The following KCNQ1 variants were observed in gnomAD, a reference collection of about 807,000 sequenced individuals.
KCNQ1 encodes potassium voltage-gated channel subfamily Q member 1, also known as potassium voltage-gated channel subfamily KQT member 1.
In KCNQ1, 49 loss-of-function variants were observed where a neutral mutation model predicts 72.4. That is an observed-to-expected ratio of 0.68 (90% CI 0.54 to 0.86). KCNQ1 has a LOEUF of 0.86. Among genes scored for constraint, KCNQ1 ranks in the 40% least tolerant of loss-of-function variants. The pLI is 0.00. For synonymous variants in KCNQ1, 450 were observed against 412.6 expected, an observed-to-expected ratio of 1.09 and a Z score of -1.10; for missense variants, 790 against 945.1, an observed-to-expected ratio of 0.84 and a Z score of 2.15.
At chr11:2,727,572 G>A (rs951258792) in intron 11 of KCNQ1, among the ~76,000 whole-genome samples, 5 of 152,288 alleles carry the variant, frequency 3.3e-5, no homozygotes, top group East Asian at 3.9e-4. Flanking sequence ...GCAGCTCCAC[G>A]GCAGGGAGCA....
chr11:2,647,251 C>A lies in KCNQ1; in HGVS notation c.1394-14710C>A, dbSNP rs1408506754. 2 of 397,964 alleles carry A rather than the reference C, an allele frequency of 5.0e-6. No individual in the cohort carries two copies. The highest frequency in any genetic ancestry group is 4.1e-5 in the African/African-American group (2 of 48,514). 24.7% of individuals were successfully genotyped at this position (397,964 alleles called of 1,614,324 possible). A position where few individuals can be genotyped will look rare whatever the true frequency, so the allele number is the denominator to read the frequency against. ...GATGATCATGTATTTTTTTGTCCTTCCTTCTGTTAATGTGATGTATCACAT... is the reference window on the plus strand; with the variant it reads ...GATGATCATGTATTTTTTTGTCCTTACTTCTGTTAATGTGATGTATCACAT... On this transcript the variant is annotated intron_variant, in intron 10 of 15. Coordinates refer to ENST00000155840, the MANE Select transcript of KCNQ1 (RefSeq NM_000218.3). This position sits in a 1 kb window ranked among gnomAD's most constrained non-coding sequence, Gnocchi z 4.0.
rs566509163 is a variant in KCNQ1 at position 2,464,070 on chromosome 11, C to T, written c.386+18586C>T. On this transcript the variant is annotated intron_variant, in intron 1 of 15. Transcript: ENST00000155840. This position sits in a 1 kb window ranked among gnomAD's most constrained non-coding sequence, Gnocchi z 5.0. ...GCTGCCCGGTGGATCCAGGCAGGGC[C>T]GGGATGTTTGCAGGACCCACGGGAC... Among the ~76,000 whole-genome samples the T allele has an allele frequency of 1.5e-3, 231 of 152,274 alleles. 1 individual carries two copies. The highest frequency in any genetic ancestry group is 5.1e-3 in the African/African-American group (213 of 41,548).
At chr11:2,578,326 C>A (rs1253270762) in intron 6 of KCNQ1, among the ~76,000 whole-genome samples, 2 of 152,254 alleles carry the variant, frequency 1.3e-5, no homozygotes, top group African/African-American at 2.4e-5. Context: ...GCCTTGCCAG[C>A]AGGGCAGCCA....
rs1445716796 is a variant in KCNQ1 at position 2,486,069 on chromosome 11, T to A, written c.386+40585T>A. ...TTTGGGTATATACCCAGAAGTGGAA[T>A]TTCTGGATTATATGGTAATTATAGT... On this transcript the variant is annotated intron_variant, in intron 1 of 15. Transcript: ENST00000155840. This position sits in a 1 kb window ranked among gnomAD's most constrained non-coding sequence, Gnocchi z 5.0. 1.3e-5 allele frequency among the ~76,000 whole-genome samples: 2 copies of A among 152,176 alleles called. No individual in the cohort carries two copies. The highest frequency in any genetic ancestry group is 4.8e-5 in the African/African-American group (2 of 41,428).
rs1488648967 is a variant in KCNQ1, at chr11:2,526,659, G to C, written c.387-1269G>C. ...CTGGGAGGTAGCCTGTTTGTTGTGG[G>C]CTCTGGGGGCCTGGGGAGGGTGGGC... is the stretch of plus-strand genomic sequence containing the variant. On this transcript the variant is annotated intron_variant, in intron 1 of 15. Coordinates refer to ENST00000155840, the MANE Select transcript of KCNQ1 (RefSeq NM_000218.3). This position sits in a 1 kb window ranked among gnomAD's most constrained non-coding sequence, Gnocchi z 6.1. Among the ~76,000 whole-genome samples, 1 of 149,102 alleles carries C rather than the reference G, an allele frequency of 6.7e-6. No individual in the cohort carries two copies. Among genetic ancestry groups the C allele is most frequent in the African/African-American group, 2.5e-5 (1 of 40,610 alleles).
chr11:2,727,919 C>G (rs1590055974), intron 11 of KCNQ1, among the ~76,000 whole-genome samples: 1 of 152,092 alleles, frequency 6.6e-6, no homozygotes, highest in African/African-American at 2.4e-5. Flanking sequence ...ATCTGATGGC[C>G]CCCGGGGCCG....
intron 6 of KCNQ1, among the ~76,000 whole-genome samples, chr11:2,576,709 G>T (rs900154728): frequency 6.6e-6 from 1 of 152,266 alleles, no homozygotes; most frequent in African/African-American, 2.4e-5. Context: ...GCCAGAAGGG[G>T]CTGGGGGCTG....
intron 10 of KCNQ1, chr11:2,634,128 C>A (rs1225988946): frequency 2.9e-6 from 1 of 339,918 alleles, no homozygotes; most frequent in Admixed American, 6.5e-5. Context: ...TGAAGATTGT[C>A]TTTGGTATTT....
Position 2,537,737 on chromosome 11 carries a change from G to A in KCNQ1, c.477+9719G>A, listed in dbSNP as rs1240071057. Among the ~76,000 whole-genome samples, 1 of 152,038 alleles carries A rather than the reference G, an allele frequency of 6.6e-6. No homozygotes were observed. Among genetic ancestry groups the A allele is most frequent in the Non-Finnish European group, 1.5e-5 (1 of 67,998 alleles). ...GTTTTTTATTTTTATTTTTTTGAGAGAGAGAGGGTCTTGCTGTGTTGCCCA... is the reference window on the plus strand; with the variant it reads ...GTTTTTTATTTTTATTTTTTTGAGAAAGAGAGGGTCTTGCTGTGTTGCCCA... On this transcript the variant is annotated intron_variant, in intron 2 of 15. Coordinates refer to ENST00000155840, the MANE Select transcript of KCNQ1 (RefSeq NM_000218.3). This position sits in a 1 kb window ranked among gnomAD's most constrained non-coding sequence, Gnocchi z 5.2.
At chr11:2,649,771 G>C (rs1849729467) in intron 10 of KCNQ1, 1 of 398,382 alleles carries the variant, frequency 2.5e-6, no homozygotes, top group South Asian at 1.3e-4. Flanking sequence ...GTGCCTCAGA[G>C]AGGCCCTTTT....
chr11:2,800,755 G>GATGCTTGC (rs1311957590), intron 15 of KCNQ1, among the ~76,000 whole-genome samples: 1 of 152,192 alleles, frequency 6.6e-6, no homozygotes, highest in African/African-American at 2.4e-5. Context: ...ATGCTTGCGG[G>GATGCTTGC]GGTTCAGGAG....
intron 11 of KCNQ1, among the ~76,000 whole-genome samples, chr11:2,706,846 C>T (rs1850919423): frequency 6.6e-6 from 1 of 152,200 alleles, no homozygotes; most frequent in African/African-American, 2.4e-5. Flanking sequence ...AGGTCCCACT[C>T]CCAGAAAGGA....
rs1246766397 is a variant in KCNQ1 at position 2,462,540 on chromosome 11, G to A, written c.386+17056G>A. ...GTCATGATCCCACCATGTGCCCCCC[G>A]TGAGGCCCCCACCTGTTACTGAGTG... On this transcript the variant is annotated intron_variant, in intron 1 of 15. Transcript: ENST00000155840. The surrounding 1 kb of genome is among the most constrained non-coding windows in gnomAD (Gnocchi z 8.2). Among the ~76,000 whole-genome samples, 4 of 152,210 alleles carry A rather than the reference G, an allele frequency of 2.6e-5. No individual in the cohort carries two copies. In the East Asian group the frequency reaches 5.8e-4, roughly 22 times the overall value.
chr11:2,780,298 A>G (rs1846799663), intron 15 of KCNQ1, among the ~76,000 whole-genome samples: 1 of 152,202 alleles, frequency 6.6e-6, no homozygotes, highest in Admixed American at 6.5e-5. Flanking sequence ...GCTTGGTGGC[A>G]CAGCCTGGCT....
Position 2,809,389 on chromosome 11 carries a change from C to T in KCNQ1, c.1794+31352C>T, listed in dbSNP as rs927304063. Among the ~76,000 whole-genome samples, 9 of 152,142 alleles carry T rather than the reference C, an allele frequency of 5.9e-5. No homozygotes were observed. The highest frequency in any genetic ancestry group is 1.2e-4 in the Non-Finnish European group (8 of 68,018). The stretch of plus-strand genomic sequence containing the variant: ...TGTGTGGTAGCCAGCGACGCTGCAA[C>T]CCCGCCCCCGCAGCCTCCTGGTGCA... On this transcript the variant is annotated intron_variant, in intron 15 of 15. Transcript: ENST00000155840. The surrounding 1 kb of genome is among the most constrained non-coding windows in gnomAD (Gnocchi z 7.1).
intron 2 of KCNQ1, among the ~76,000 whole-genome samples, chr11:2,529,687 C>T (rs551814873): frequency 2.0e-5 from 3 of 152,204 alleles, no homozygotes; most frequent in South Asian, 2.1e-4. Flanking sequence ...TGACTGTGGT[C>T]GTAGAAGTTT....
At chr11:2,472,458 A>G (rs1407748368) in intron 1 of KCNQ1, among the ~76,000 whole-genome samples, 7 of 152,100 alleles carry the variant, frequency 4.6e-5, no homozygotes, top group African/African-American at 1.7e-4. Flanking sequence ...CTCACAGGGC[A>G]GAGCTGGAAA....
intron 1 of KCNQ1, among the ~76,000 whole-genome samples, chr11:2,501,237 T>C (rs1847005095): frequency 1.2e-5 from 1 of 86,146 alleles, no homozygotes; most frequent in South Asian, 3.7e-4. Context: ...ATCAACAAAA[T>C]AAAAAGTTGG....
In KCNQ1 at chr11:2,592,906, G is replaced by C. The variant is rs545555117; in HGVS notation, c.1393+4052G>C. On this transcript the variant is annotated intron_variant, in intron 10 of 15. Coordinates refer to ENST00000155840, the MANE Select transcript of KCNQ1 (RefSeq NM_000218.3). This position sits in a 1 kb window ranked among gnomAD's most constrained non-coding sequence, Gnocchi z 5.2. ...CGCATACTGGCCATGCTGCCTCGCT[G>C]TCCCTGCCTCAGAGCCACTGTATTC... 1.7e-4 allele frequency among the ~76,000 whole-genome samples: 26 copies of C among 152,172 alleles called. No individual in the cohort carries two copies. Among genetic ancestry groups the C allele is most frequent in the Admixed American group, 5.9e-4 (9 of 15,280 alleles).
Sources: gnomAD v4.1 joint callset for allele counts (sites outside exome capture counted in the v4.1 genomes callset) on GRCh38, gnomAD v4.1.1 for gene constraint, Gnocchi (gnomAD v3.1) non-coding constraint, MANE v1.5 for transcripts, NCBI Gene and HGNC (gene_info 2026-07-23, HGNC 2026-07-21) for gene names.